Variants in LBP observed in about 807,000 individuals in gnomAD.
LBP encodes lipopolysaccharide-binding protein.
A neutral mutation model predicts 56.6 loss-of-function variants in LBP; 53 were observed. The observed-to-expected ratio is 0.94, with a 90% confidence interval of 0.75 to 1.18. LBP has a LOEUF of 1.18. Ranked by LOEUF, LBP falls within the 50% of genes most tolerant of loss-of-function variation. The pLI is 0.00. For synonymous variants in LBP, 227 were observed against 247.5 expected (o/e 0.92, Z 0.78); for missense variants, 601 against 598.3 (o/e 1.00, Z -0.05).
chr20:38,366,625 C>T, intron 8 of LBP, 144 bp from the exon 9 acceptor site: 2 of 760,070 alleles, frequency 2.6e-6, no homozygotes, highest in South Asian at 1.5e-5. Flanking sequence ...TGGGTGAATG[C>T]AGGACAGGCA....
chr20:38,375,493 A>G (rs1411149550), intron 14 of LBP, among the ~76,000 whole-genome samples: 1 of 152,064 alleles, frequency 6.6e-6, no homozygotes, highest in Non-Finnish European at 1.5e-5. Flanking sequence ...AGGCAGGAGA[A>G]TGGCTTGAAC....
At chr20:38,356,069 A>C (rs1267787147) in intron 5 of LBP, among the ~76,000 whole-genome samples, 1 of 142,196 alleles carries the variant, frequency 7.0e-6, no homozygotes, top group Non-Finnish European at 1.5e-5. Flanking sequence ...ACACACACAC[A>C]AACACACACA....
chr20:38,349,672 T>C lies in LBP; in HGVS notation c.239+10T>C, dbSNP rs1457667677. 7.7e-6 allele frequency: 12 copies of C among 1,556,518 alleles called. No individual in the cohort carries two copies. Among genetic ancestry groups the C allele is most frequent in the Non-Finnish European group, 1.1e-5 (12 of 1,138,378 alleles). Reference sequence around the variant, plus strand: ...GCTATGAGTTCCACAGGTGGGGCTCTCCCTTCTGCTGCGGCTCTGAAGTGG... The same window carrying C: ...GCTATGAGTTCCACAGGTGGGGCTCCCCCTTCTGCTGCGGCTCTGAAGTGG... On this transcript the variant is annotated intron_variant, in intron 2 of 14. Coordinates refer to ENST00000217407, the MANE Select transcript of LBP (RefSeq NM_004139.5).
chr20:38,352,623 C>T (rs1308158884), intron 3 of LBP, among the ~76,000 whole-genome samples: 6 of 152,200 alleles, frequency 3.9e-5, no homozygotes, highest in Non-Finnish European at 8.8e-5. Context: ...GGCGTAGTGG[C>T]GCATGCCTGT....
At position 38,373,946 on chromosome 20, in the gene LBP, C is replaced by G; in HGVS notation, c.1334C>G (p.Ala445Gly). ...GTGCTTCAACCTCTAGATAAGTTGG[C>G]CGAAGGCTTCCCCCTTCCTCTGCTG... The part of the protein sequence containing the change: ...TFYPKFNDKL[A>G]EGFPLPLLKR... The change falls in exon 14 of 15, where the codon GCC becomes GGC. Residue 445 changes from alanine (A) to glycine (G), a missense_variant. Transcript: ENST00000217407. 6.2e-7 allele frequency: 1 copy of G among 1,614,088 alleles called. No individual in the cohort carries two copies. The highest frequency in any genetic ancestry group is 8.5e-7 in the Non-Finnish European group (1 of 1,179,938).
chr20:38,364,500 C>A, intron 7 of LBP, 76 bp from the exon 8 acceptor site: 1 of 1,381,254 alleles, frequency 7.2e-7, no homozygotes, highest in Non-Finnish European at 1.0e-6. Flanking sequence ...CTTCATCGGA[C>A]TGTGTAGGGG....
chr20:38,359,602 A>C (rs572665635), intron 5 of LBP, among the ~76,000 whole-genome samples: 9,691 of 152,248 alleles, frequency 0.064, 338 homozygotes, highest in South Asian at 0.11. Context: ...CAACAACAAA[A>C]AAAAAAACTC....
At chr20:38,358,276 G>A (rs1227414480) in intron 5 of LBP, among the ~76,000 whole-genome samples, 1 of 152,170 alleles carries the variant, frequency 6.6e-6, no homozygotes, top group Non-Finnish European at 1.5e-5. Context: ...ACAGCCATTG[G>A]GGACTGGGCA....
intron 3 of LBP, 139 bp from the exon 4 acceptor site, chr20:38,354,145 T>G (rs1453555529): frequency 4.5e-6 from 3 of 672,486 alleles, no homozygotes; most frequent in African/African-American, 3.7e-5. Context: ...TCTAGATCTT[T>G]TATGGCTTTA....
In LBP at chr20:38,365,340, C is replaced by T. The variant is rs149506270; in HGVS notation, c.921+588C>T. Among the ~76,000 whole-genome samples the T allele has an allele frequency of 5.0e-3, 750 of 151,476 alleles. 7 individuals carry two copies. The highest frequency in any genetic ancestry group is 0.017 in the African/African-American group (714 of 41,248). On this transcript the variant is annotated intron_variant, in intron 8 of 14. Transcript: ENST00000217407. ...TTCTAGACCTGTTTACTAGTCTAGA[C>T]TTGTTAGTCTAATTCATATTTTCTC...
At chr20:38,368,956 T>C in intron 9 of LBP, 39 bp from the exon 10 acceptor site, 12 of 1,604,510 alleles carry the variant, frequency 7.5e-6, no homozygotes, top group Non-Finnish European at 1.0e-5. Flanking sequence ...GACTTGTATA[T>C]TTTCTTCTCT....
intron 7 of LBP, 47 bp downstream of exon 7, chr20:38,364,113 G>GAAAGCC: frequency 7.5e-7 from 1 of 1,338,288 alleles, no homozygotes; most frequent in Non-Finnish European, 1.1e-6. Context: ...TTCCCTCAGG[G>GAAAGCC]TCAGCCATTC....
intron 8 of LBP, among the ~76,000 whole-genome samples, chr20:38,365,709 A>T (rs6417339): frequency 4.1e-4 from 26 of 64,132 alleles, no homozygotes; most frequent in African/African-American, 5.6e-4. Context: ...AAAAAAAAAA[A>T]AAAAAAAAAT....
chr20:38,359,261 T>A (rs1298106585), intron 5 of LBP, among the ~76,000 whole-genome samples: 1 of 152,142 alleles, frequency 6.6e-6, no homozygotes, highest in East Asian at 1.9e-4. Context: ...TCCAGAGTAT[T>A]TATCTTAGGT....
chr20:38,366,892 T>A (rs751728169), intron 9 of LBP, 64 bp downstream of exon 9: 38 of 1,406,238 alleles, frequency 2.7e-5, no homozygotes, highest in Middle Eastern at 1.8e-4. Flanking sequence ...AGGTTTCTCT[T>A]TAAAACCTCT....
intron 1 of LBP, among the ~76,000 whole-genome samples, chr20:38,349,239 G>T (rs1310973619): frequency 6.6e-6 from 1 of 152,204 alleles, no homozygotes; most frequent in Non-Finnish European, 1.5e-5. Flanking sequence ...AGATGTCATG[G>T]AGAACAAGAA....
intron 14 of LBP, among the ~76,000 whole-genome samples, 161 bp from the exon 15 acceptor site, chr20:38,376,464 A>G (rs943767681): frequency 6.6e-6 from 1 of 152,170 alleles, no homozygotes; most frequent in Non-Finnish European, 1.5e-5. Flanking sequence ...GCTGTGCTTT[A>G]CGGAGAGCTT....
chr20:38,365,937 A>T (rs2076880387), intron 8 of LBP, among the ~76,000 whole-genome samples: 1 of 152,080 alleles, frequency 6.6e-6, no homozygotes, highest in Non-Finnish European at 1.5e-5. Flanking sequence ...TGATTTCATG[A>T]TTCATGGTGA....
At chr20:38,362,619 G>GA (rs968378841) in intron 6 of LBP, among the ~76,000 whole-genome samples, 2 of 144,632 alleles carry the variant, frequency 1.4e-5, no homozygotes, top group Non-Finnish European at 3.0e-5. Flanking sequence ...TCTCAACAAA[G>GA]AAAAAAAATA....
Sources: allele counts gnomAD v4.1 joint callset (sites outside exome capture counted in the v4.1 genomes callset), GRCh38; gene constraint gnomAD v4.1.1; transcripts MANE v1.5; gene names NCBI Gene and HGNC (gene_info 2026-07-23, HGNC 2026-07-21).